The following SLC10A7 variants were observed in gnomAD, a reference collection of about 807,000 sequenced individuals.
The protein encoded by SLC10A7 is solute carrier family 10 member 7, also known as sodium/bile acid cotransporter 7.
SLC10A7 carries 29 observed loss-of-function variants against 43.2 expected under a neutral mutation model. The observed-to-expected ratio is 0.67, with a 90% confidence interval of 0.50 to 0.92. The LOEUF (loss-of-function observed/expected upper bound fraction) is 0.92. SLC10A7 is among the 40% of genes least tolerant of loss of function. SLC10A7 has a pLI of 0.00. For synonymous variants in SLC10A7, 152 were observed against 144.8 expected, an observed-to-expected ratio of 1.05 and a Z score of -0.35; for missense variants, 295 against 403.2, an observed-to-expected ratio of 0.73 and a Z score of 2.30.
intron 5 of SLC10A7, among the ~76,000 whole-genome samples, chr4:146,425,542 C>T (rs1326699661): frequency 2.6e-5 from 4 of 152,100 alleles, no homozygotes; most frequent in Non-Finnish European, 5.9e-5. Context: ...TATTGGTCAG[C>T]GCAACTATAG....
chr4:146,426,899 C>G (rs558754074), intron 5 of SLC10A7, among the ~76,000 whole-genome samples: 8 of 152,160 alleles, frequency 5.3e-5, no homozygotes, highest in African/African-American at 1.9e-4. Flanking sequence ...CAAAATAAAC[C>G]TATAACAAAA....
chr4:146,298,759 T>C (rs1225158673), intron 7 of SLC10A7, among the ~76,000 whole-genome samples: 1 of 152,192 alleles, frequency 6.6e-6, no homozygotes, highest in African/African-American at 2.4e-5. Context: ...CTTTCTAGAT[T>C]GACAGAAGGA....
chr4:146,455,404 C>CT (rs1395737535), intron 4 of SLC10A7, among the ~76,000 whole-genome samples: 1 of 151,850 alleles, frequency 6.6e-6, no homozygotes, highest in Non-Finnish European at 1.5e-5. Context: ...TCCCCTAACA[C>CT]TTTGTTTAGA....
In SLC10A7 at chr4:146,354,535, C is replaced by A. The variant is rs1319388105; in HGVS notation, c.436-28539G>T. Among the ~76,000 whole-genome samples, 392 of 148,396 alleles carry A rather than the reference C, an allele frequency of 2.6e-3. 1 individual carries two copies. Among genetic ancestry groups the A allele is most frequent in the African/African-American group, 9.1e-3 (367 of 40,302 alleles). On this transcript the variant is annotated intron_variant, in intron 5 of 11. Transcript: ENST00000335472. Reference sequence around the variant, plus strand: ...ACTTTCTTCACAGAATTGGAAAAAACTACTTTAAAGTTCATATGGAACCAA... The same window carrying A: ...ACTTTCTTCACAGAATTGGAAAAAAATACTTTAAAGTTCATATGGAACCAA...
intron 5 of SLC10A7, among the ~76,000 whole-genome samples, chr4:146,326,917 G>GACACACAC (rs71640636): frequency 6.8e-5 from 10 of 147,420 alleles, no homozygotes; most frequent in Non-Finnish European, 1.2e-4. Context: ...GAGAGGGACA[G>GACACACAC]ACACACACAC....
At chr4:146,439,157 T>C (rs1730419841) in intron 5 of SLC10A7, among the ~76,000 whole-genome samples, 1 of 152,064 alleles carries the variant, frequency 6.6e-6, no homozygotes, top group South Asian at 2.1e-4. Context: ...CTCAAATTTA[T>C]GTAAATTGAA....
chr4:146,475,967 C>T (rs1733986561), intron 4 of SLC10A7, among the ~76,000 whole-genome samples: 1 of 152,188 alleles, frequency 6.6e-6, no homozygotes, highest in Admixed American at 6.5e-5. Context: ...ATGCATTAAG[C>T]TGCTAAAGGT....
At chr4:146,519,605 T>C (rs1004285111) in intron 1 of SLC10A7, among the ~76,000 whole-genome samples, 1 of 152,112 alleles carries the variant, frequency 6.6e-6, no homozygotes, top group Non-Finnish European at 1.5e-5. Flanking sequence ...TGAATCTGTC[T>C]CAGCAGCTCA....
At chr4:146,441,368 A>G (rs1040053530) in intron 5 of SLC10A7, among the ~76,000 whole-genome samples, 1 of 152,188 alleles carries the variant, frequency 6.6e-6, no homozygotes, top group Non-Finnish European at 1.5e-5. Context: ...TATATTTAAT[A>G]AGCTTGTTCT....
At chr4:146,497,915 G>T (rs1370474503) in intron 4 of SLC10A7, among the ~76,000 whole-genome samples, 1 of 151,016 alleles carries the variant, frequency 6.6e-6, no homozygotes, top group Non-Finnish European at 1.5e-5. Context: ...AAGGCTTTTG[G>T]AGGGAAAAAA....
intron 10 of SLC10A7, among the ~76,000 whole-genome samples, chr4:146,274,918 T>C (rs1055276452): frequency 1.3e-5 from 2 of 151,778 alleles, no homozygotes; most frequent in East Asian, 3.9e-4. Context: ...CCACCCAGAG[T>C]TGACTGAAAC....
chr4:146,449,899 T>C (rs1731436248), intron 4 of SLC10A7, among the ~76,000 whole-genome samples: 1 of 152,156 alleles, frequency 6.6e-6, no homozygotes, highest in African/African-American at 2.4e-5. Flanking sequence ...TTAATCCTAA[T>C]TACCAAAGAT....
At chr4:146,367,186 T>C (rs1425101076) in intron 5 of SLC10A7, among the ~76,000 whole-genome samples, 1 of 152,154 alleles carries the variant, frequency 6.6e-6, no homozygotes, top group Non-Finnish European at 1.5e-5. Context: ...AGATAGTCTC[T>C]GCTTTCAAGT....
chr4:146,418,061 T>C (rs374565518), intron 5 of SLC10A7, among the ~76,000 whole-genome samples: 9 of 151,374 alleles, frequency 5.9e-5, no homozygotes, highest in African/African-American at 1.9e-4. Context: ...CAGAAAAGAA[T>C]AGGGGAGGAA....
At chr4:146,478,879 T>A (rs1734238873) in intron 4 of SLC10A7, among the ~76,000 whole-genome samples, 1 of 152,150 alleles carries the variant, frequency 6.6e-6, no homozygotes, top group African/African-American at 2.4e-5. Context: ...GTTATATTCA[T>A]AGTCACAATA....
At chr4:146,312,177 G>A (rs1048968731) in intron 6 of SLC10A7, among the ~76,000 whole-genome samples, 8 of 152,198 alleles carry the variant, frequency 5.3e-5, no homozygotes, top group Admixed American at 3.3e-4. Context: ...TTCCCTCTCT[G>A]AGAAATAAAG....
intron 7 of SLC10A7, among the ~76,000 whole-genome samples, chr4:146,301,998 T>TC (rs1731193746): frequency 6.6e-6 from 1 of 152,236 alleles, no homozygotes; most frequent in Non-Finnish European, 1.5e-5. Flanking sequence ...GAATGAGCCA[T>TC]CTAACAATTC....
chr4:146,469,555 T>C (rs1281466093), intron 4 of SLC10A7, among the ~76,000 whole-genome samples: 7 of 152,244 alleles, frequency 4.6e-5, no homozygotes, highest in African/African-American at 1.7e-4. Flanking sequence ...AATAATTTTC[T>C]TATTGTAAGA....
At chr4:146,372,545 AAT>A (rs1736872956) in intron 5 of SLC10A7, among the ~76,000 whole-genome samples, 1 of 152,178 alleles carries the variant, frequency 6.6e-6, no homozygotes, top group Admixed American at 6.6e-5. Context: ...AAGTCAGGTC[AAT>A]ATGTTTTACT....
Sources: allele counts gnomAD v4.1 joint callset (sites outside exome capture counted in the v4.1 genomes callset), GRCh38; gene constraint gnomAD v4.1.1; transcripts MANE v1.5; gene names NCBI Gene and HGNC (gene_info 2026-07-23, HGNC 2026-07-21).